MORC3: variants seen among roughly 807,000 people sequenced by gnomAD.
The protein encoded by MORC3 is MORC family CW-type zinc finger protein 3.
A neutral mutation model predicts 109.1 loss-of-function variants in MORC3; 31 were observed. The observed-to-expected ratio is 0.28, with a 90% CI of 0.21 to 0.38. The LOEUF (loss-of-function observed/expected upper bound fraction) is 0.38, where lower values mean the gene tolerates loss of function less well. Among genes scored for constraint, MORC3 ranks in the 10% least tolerant of loss-of-function variants. The pLI is 1.00. For missense variants in MORC3, 867 were observed against 1,135.8 expected (o/e 0.76, Z 3.40); for synonymous variants, 395 against 380.7 (o/e 1.04, Z -0.44).
chr21:36,344,683 T>G lies in MORC3; in HGVS notation c.861T>G (p.Arg287=), dbSNP rs534556030. 68 of 1,613,872 alleles carry G rather than the reference T, an allele frequency of 4.2e-5. No homozygotes were observed. The African/African-American group carries it at 6.0e-4, about 14-fold the overall frequency. Residue 287 remains arginine (R), a synonymous_variant, in exon 7 of 17, where the codon CGT becomes CGG. Coordinates refer to ENST00000400485, the MANE Select transcript of MORC3 (RefSeq NM_015358.3). ...LVSKSLAYIE[R]DVYRPKFLSK... ...CGAAGAGTCTTGCCTACATCGAACGTGATGTTTATCGACCAAAATTTTTAG... is the reference window on the plus strand; with the variant it reads ...CGAAGAGTCTTGCCTACATCGAACGGGATGTTTATCGACCAAAATTTTTAG...
rs1555908703 is a variant in MORC3 at position 36,356,733 on chromosome 21, A to AT, written c.1208+14dup. ...CCAGTTGAAGATATACAGTAAGTACATTTTTAAAACATATCATTTCACTTA... is the reference window on the plus strand; with the variant it reads ...CCAGTTGAAGATATACAGTAAGTACATTTTTTAAAACATATCATTTCACTTA... On this transcript the variant is annotated intron_variant, in intron 10 of 16. Coordinates refer to ENST00000400485, the MANE Select transcript of MORC3 (RefSeq NM_015358.3). 2 of 1,477,910 alleles carry AT rather than the reference A, an allele frequency of 1.4e-6. No homozygotes were observed. Among genetic ancestry groups the AT allele is most frequent in the Non-Finnish European group, 1.9e-6 (2 of 1,074,100 alleles). 91.5% of individuals were successfully genotyped at this position (1,477,910 alleles called of 1,614,324 possible). A position where few individuals can be genotyped will look rare whatever the true frequency, so the allele number is the denominator to read the frequency against.
chr21:36,373,815 T>C (rs772097229), intron 16 of MORC3, among the ~76,000 whole-genome samples: 14 of 152,172 alleles, frequency 9.2e-5, no homozygotes, highest in Non-Finnish European at 1.5e-4. Flanking sequence ...TATGGACTTA[T>C]TATATTGTAG....
intron 1 of MORC3, among the ~76,000 whole-genome samples, chr21:36,331,770 C>T (rs2085317811): frequency 6.6e-6 from 1 of 152,144 alleles, no homozygotes. Flanking sequence ...AATTAAGATG[C>T]AATGCAAATT....
At chr21:36,322,804 G>A (rs1159296313) in intron 1 of MORC3, among the ~76,000 whole-genome samples, 1 of 151,860 alleles carries the variant, frequency 6.6e-6, no homozygotes, top group African/African-American at 2.4e-5. Flanking sequence ...ATATACTTTG[G>A]TTTTTGTTGT....
chr21:36,332,335 C>G (rs1255706939), intron 1 of MORC3, among the ~76,000 whole-genome samples: 1 of 152,108 alleles, frequency 6.6e-6, no homozygotes, highest in Non-Finnish European at 1.5e-5. Context: ...ACTCGGGAGT[C>G]TGAGGCAGGA....
intron 5 of MORC3, chr21:36,339,256 A>T (rs1393609015): frequency 5.9e-6 from 1 of 169,160 alleles, no homozygotes; most frequent in Admixed American, 6.1e-5. Context: ...AGTAGCTGGG[A>T]TTACAGTCGC....
At chr21:36,359,528 C>G (rs2085687343) in intron 10 of MORC3, among the ~76,000 whole-genome samples, 1 of 143,110 alleles carries the variant, frequency 7.0e-6, no homozygotes, top group African/African-American at 2.6e-5. Flanking sequence ...CTTGCCTTTT[C>G]TCTTTTCTTT....
Position 36,369,486 on chromosome 21 carries a change from C to T in MORC3, c.2118C>T (p.Val706=), listed in dbSNP as rs2085826565. 1.2e-6 allele frequency: 2 copies of T among 1,613,966 alleles called. No individual in the cohort carries two copies. Among genetic ancestry groups the T allele is most frequent in the Admixed American group, 1.7e-5 (1 of 59,982 alleles). ...LQELRNQLLL[V]TEEKENYKRQ... ...AACTGAGAAACCAGCTACTCCTTGT[C>T]ACTGAGGAAAAAGAGAATTATAAAA... The change falls in exon 15 of 17, where the codon GTC becomes GTT. Residue 706 remains valine, a synonymous_variant. Coordinates refer to ENST00000400485, the MANE Select transcript of MORC3 (RefSeq NM_015358.3).
chr21:36,338,622 C>G lies in MORC3; in HGVS notation c.461-152C>G, dbSNP rs970170874. On this transcript the variant is annotated intron_variant, in intron 4 of 16. Transcript: ENST00000400485. ...CCTGATCATGTTACTGCACTCTAGCCTAAGCAATAGTGAGACCCTATCTCA... is the reference window on the plus strand; with the variant it reads ...CCTGATCATGTTACTGCACTCTAGCGTAAGCAATAGTGAGACCCTATCTCA... 7.1e-6 allele frequency: 5 copies of G among 708,412 alleles called. No individual in the cohort carries two copies. The East Asian group carries it at 1.2e-4, about 17-fold the overall frequency. The allele number at this position is 708,412 out of a possible 1,614,324, so 43.9% of individuals were successfully genotyped here. A position where few individuals can be genotyped will look rare whatever the true frequency, so the allele number is the denominator to read the frequency against.
chr21:36,369,694 G>A lies in MORC3; in HGVS notation c.2326G>A (p.Ala776Thr). Residue 776 changes from alanine to threonine, a missense_variant, in exon 15 of 17, where the codon GCT becomes ACT. Ala to Thr is a moderately conservative substitution (Grantham distance 58, BLOSUM62 0). Coordinates refer to ENST00000400485, the MANE Select transcript of MORC3 (RefSeq NM_015358.3). ...CCATATGGTATCTCAGTATCAGCAA[G>A]CTTTGGAAGAAATAGAAAGGCTGAA... The part of the protein sequence containing the change: ...PDHMVSQYQQ[A>T]LEEIERLKKQ... 1 of 1,614,154 alleles carries A rather than the reference G, an allele frequency of 6.2e-7. No individual in the cohort carries two copies. Among genetic ancestry groups the A allele is most frequent in the South Asian group, 1.1e-5 (1 of 91,082 alleles).
In MORC3 at chr21:36,332,771, T is replaced by C. The variant is rs376932351; in HGVS notation, c.40-875T>C. On this transcript the variant is annotated intron_variant, in intron 1 of 16. Coordinates refer to ENST00000400485, the MANE Select transcript of MORC3 (RefSeq NM_015358.3). ...ATCCTCAGGCCAAGTTTAGTTTAGT[T>C]TAACAATTGGAACTCTTTCTTTTTT... Among the ~76,000 whole-genome samples the C allele has an allele frequency of 9.5e-5, 14 of 146,992 alleles. 1 individual carries two copies. The East Asian group carries it at 2.7e-3, about 28-fold the overall frequency.
At chr21:36,323,602 C>G (rs1316114621) in intron 1 of MORC3, among the ~76,000 whole-genome samples, 1 of 152,110 alleles carries the variant, frequency 6.6e-6, no homozygotes, top group East Asian at 1.9e-4. Context: ...TACATTCATG[C>G]TACCCTTGCT....
chr21:36,338,032 T>A, intron 4 of MORC3, 86 bp downstream of exon 4: 1 of 1,384,226 alleles, frequency 7.2e-7, no homozygotes, highest in Non-Finnish European at 1.0e-6. Context: ...TCTTCCAGAT[T>A]ATTCCCTTTG....
intron 5 of MORC3, among the ~76,000 whole-genome samples, chr21:36,340,249 G>C (rs944869089): frequency 6.7e-6 from 1 of 149,434 alleles, no homozygotes; most frequent in Non-Finnish European, 1.5e-5. Flanking sequence ...CTGCACTCCA[G>C]CCTGGGCGAA....
chr21:36,348,931 T>TG (rs1426390230), intron 8 of MORC3, among the ~76,000 whole-genome samples: 3 of 151,968 alleles, frequency 2.0e-5, no homozygotes, highest in Admixed American at 2.0e-4. Flanking sequence ...AGGCCGAGGC[T>TG]GGTGGATTGC....
intron 9 of MORC3, among the ~76,000 whole-genome samples, chr21:36,352,971 TAAA>T (rs777452359): frequency 2.5e-5 from 3 of 122,212 alleles, no homozygotes; most frequent in African/African-American, 3.1e-5. Context: ...ACCTTTTCTC[TAAA>T]AAAAAAAAAA....
intron 1 of MORC3, among the ~76,000 whole-genome samples, chr21:36,324,105 C>A (rs1029143198): frequency 6.6e-6 from 1 of 152,104 alleles, no homozygotes; most frequent in African/African-American, 2.4e-5. Flanking sequence ...GAACTTCCGA[C>A]CTCAGGTAAT....
chr21:36,351,766 A>G (rs2085575568), intron 9 of MORC3, among the ~76,000 whole-genome samples: 1 of 152,248 alleles, frequency 6.6e-6, no homozygotes, highest in South Asian at 2.1e-4. Flanking sequence ...GCTATGGAGA[A>G]TAGGATGGAG....
intron 13 of MORC3, 145 bp from the exon 14 acceptor site, chr21:36,363,948 T>C (rs2085748429): frequency 1.2e-6 from 1 of 831,080 alleles, no homozygotes; most frequent in East Asian, 2.7e-5. Flanking sequence ...ACTTGTTGAT[T>C]CCTGGTATAG....
Sources: gnomAD v4.1 joint callset for allele counts (sites outside exome capture counted in the v4.1 genomes callset) on GRCh38, gnomAD v4.1.1 for gene constraint, MANE v1.5 for transcripts, NCBI Gene and HGNC (gene_info 2026-07-23, HGNC 2026-07-21) for gene names.